Variants in SLC16A5 observed in about 807,000 individuals in gnomAD.
The protein encoded by SLC16A5 is monocarboxylate transporter 6.
Under a neutral mutation model 33.2 loss-of-function variants are expected in SLC16A5, and 29 were observed. That is an observed-to-expected ratio of 0.87 (90% confidence interval 0.65 to 1.19). The LOEUF is 1.19. Among genes scored for constraint, SLC16A5 ranks in the 50% most tolerant of loss-of-function variants. The probability of loss-of-function intolerance (pLI) is 0.00; values close to 1 mark genes in which losing one functional copy is unlikely to be tolerated. For missense variants in SLC16A5, 606 were observed against 678.2 expected (o/e 0.89, Z 1.18); for synonymous variants, 248 against 284.1 (o/e 0.87, Z 1.28).
intron 4 of SLC16A5, 54 bp from the exon 5 acceptor site, chr17:75,099,953 G>C: frequency 6.6e-7 from 1 of 1,520,762 alleles, no homozygotes; most frequent in South Asian, 1.2e-5. Flanking sequence ...ACCCCTGGGT[G>C]CAGGTGGAAG....
chr17:75,105,746 A>T, intron 6 of SLC16A5, 134 bp from the exon 7 acceptor site: 1 of 1,410,644 alleles, frequency 7.1e-7, no homozygotes, highest in Non-Finnish European at 9.3e-7. Flanking sequence ...ACAGAGCTGG[A>T]GTACGTTTCC....
At chr17:75,090,830 G>A (rs979956896) in intron 2 of SLC16A5, among the ~76,000 whole-genome samples, 1 of 152,138 alleles carries the variant, frequency 6.6e-6, no homozygotes, top group African/African-American at 2.4e-5. Flanking sequence ...GGCCTGGAGA[G>A]AGGAGATGGT....
chr17:75,093,977 CA>C, intron 3 of SLC16A5, 142 bp downstream of exon 3: 1 of 1,283,640 alleles, frequency 7.8e-7, no homozygotes, highest in African/African-American at 1.5e-5. Context: ...CAGATTTCAC[CA>C]GGGGCCCCTG....
In SLC16A5 at chr17:75,093,820, G is replaced by A. The variant is rs982502250; in HGVS notation, c.184G>A (p.Val62Met). 6.2e-7 allele frequency: 1 copy of A among 1,613,972 alleles called. No homozygotes were observed. The highest frequency in any genetic ancestry group is 1.3e-5 in the African/African-American group (1 of 74,932). ...TTGGTTCCCCTCCATCCTCACGGCT[G>A]TGCTCCACATGGCAGGTGAGCGGCC... ...TSWFPSILTA[V>M]LHMAGPLCSI... Residue 62 changes from valine (V) to methionine (M), a missense_variant, in exon 3 of 7, where the codon GTG (valine) becomes ATG (methionine). Physicochemically the swap from Val to Met is conservative, Grantham distance 21. Coordinates refer to ENST00000329783, the MANE Select transcript of SLC16A5 (RefSeq NM_004695.4).
intron 5 of SLC16A5, among the ~76,000 whole-genome samples, chr17:75,102,094 T>G (rs1395850845): frequency 6.6e-6 from 1 of 152,156 alleles, no homozygotes. Flanking sequence ...GCAAGTCTTT[T>G]TCCCTTTTTG....
At chr17:75,097,278 A>T (rs558445755) in intron 3 of SLC16A5, among the ~76,000 whole-genome samples, 1 of 152,094 alleles carries the variant, frequency 6.6e-6, no homozygotes, top group African/African-American at 2.4e-5. Context: ...GCTTGGGTGA[A>T]TGGGGCCCCT....
chr17:75,099,929 T>A, intron 4 of SLC16A5, 78 bp from the exon 5 acceptor site: 1 of 1,348,394 alleles, frequency 7.4e-7, no homozygotes. Context: ...GTGTGTGAAA[T>A]GACCACTGAC....
At chr17:75,109,750 G>C (rs1209203871), downstream of SLC16A5, among the ~76,000 whole-genome samples, 1 of 152,234 alleles carries the variant, frequency 6.6e-6, no homozygotes, top group Non-Finnish European at 1.5e-5. The surrounding 1 kb of genome is among the most constrained non-coding windows in gnomAD (Gnocchi z 5.0). Context: ...GCAGTAATTT[G>C]CATCTGGACA....
At chr17:75,093,377 C>T in intron 2 of SLC16A5, 2 of 1,533,726 alleles carry the variant, frequency 1.3e-6, no homozygotes, top group East Asian at 4.9e-5. Context: ...TTCCTGCCAC[C>T]TCCTGCCAGG....
intron 3 of SLC16A5, among the ~76,000 whole-genome samples, chr17:75,094,933 C>T (rs1046471741): frequency 2.0e-5 from 3 of 152,184 alleles, no homozygotes; most frequent in Admixed American, 2.0e-4. Context: ...TCTCTGCAGT[C>T]GCCGTGGACA....
rs530832779 is a variant in SLC16A5 at position 75,098,022 on chromosome 17, C to T, written c.200-16C>T. The T allele has an allele frequency of 5.7e-6, 9 of 1,571,978 alleles. No homozygotes were observed. The highest frequency in any genetic ancestry group is 7.7e-6 in the Non-Finnish European group (9 of 1,163,792). On this transcript the variant is annotated splice_polypyrimidine_tract_variant and intron_variant, in intron 3 of 6. Coordinates refer to ENST00000329783, the MANE Select transcript of SLC16A5 (RefSeq NM_004695.4). ...TCCTCATTCAGCTGCTACCTGCTGG[C>T]TGTCTTCTCCCACAGGGCCCCTGTG...
downstream of SLC16A5, among the ~76,000 whole-genome samples, chr17:75,107,254 C>T (rs1250667230): frequency 6.6e-6 from 1 of 151,910 alleles, no homozygotes; most frequent in Non-Finnish European, 1.5e-5. Flanking sequence ...AAGCTGTGAT[C>T]ACACCACTGC....
chr17:75,100,213 A>T lies in SLC16A5; in HGVS notation c.550A>T (p.Ile184Phe), dbSNP rs1260721668. 1 of 1,614,090 alleles carries T rather than the reference A, an allele frequency of 6.2e-7. No individual in the cohort carries two copies. Among genetic ancestry groups the T allele is most frequent in the Admixed American group, 1.7e-5 (1 of 60,008 alleles). ...VFGGIFLHCC[I>F]CGAIIRPVAT... is the part of the protein sequence containing the mutation. ...CGGCGGGATCTTTCTCCACTGCTGC[A>T]TCTGCGGGGCCATCATAAGGCCTGT... The change falls in exon 5 of 7, where the codon ATC becomes TTC. Residue 184 changes from isoleucine to phenylalanine, a missense_variant. By Grantham distance (21) the Ile-to-Phe change is conservative. Transcript: ENST00000329783.
chr17:75,090,739 G>C (rs568459514), intron 2 of SLC16A5, among the ~76,000 whole-genome samples: 1 of 152,270 alleles, frequency 6.6e-6, no homozygotes, highest in African/African-American at 2.4e-5. Flanking sequence ...GATTACAGGT[G>C]TGAGCCACCG....
chr17:75,109,787 TCGCAGTACAC>T (rs2073892140), downstream of SLC16A5, among the ~76,000 whole-genome samples: 2 of 152,242 alleles, frequency 1.3e-5, no homozygotes, highest in African/African-American at 2.4e-5. This position sits in a 1 kb window ranked among gnomAD's most constrained non-coding sequence, Gnocchi z 5.0. Context: ...AGGCTGCTCC[TCGCAGTACAC>T]CCACCCACGC....
chr17:75,105,789 G>C (rs747704177), intron 6 of SLC16A5, 91 bp from the exon 7 acceptor site: 2 of 1,442,626 alleles, frequency 1.4e-6, no homozygotes, highest in Non-Finnish European at 9.2e-7. Flanking sequence ...GCTCAGCAAG[G>C]GGTGCTCAGG....
chr17:75,097,956 G>A, intron 3 of SLC16A5, 82 bp from the exon 4 acceptor site: 1 of 1,479,538 alleles, frequency 6.8e-7, no homozygotes, highest in Non-Finnish European at 9.0e-7. Context: ...AGTTCCAGCT[G>A]GAACTGCCCT....
At chr17:75,107,997 G>A (rs532612792), downstream of SLC16A5, among the ~76,000 whole-genome samples, 2 of 152,066 alleles carry the variant, frequency 1.3e-5, no homozygotes, top group Admixed American at 6.5e-5. Flanking sequence ...CCAGCTACTC[G>A]GGAGGCTGAG....
chr17:75,109,610 G>C (rs1255483457), downstream of SLC16A5, among the ~76,000 whole-genome samples: 1 of 152,208 alleles, frequency 6.6e-6, no homozygotes, highest in Non-Finnish European at 1.5e-5. The surrounding 1 kb of genome is among the most constrained non-coding windows in gnomAD (Gnocchi z 5.0). Flanking sequence ...GGGCCATGTC[G>C]GGACGGCGGA....
Sources: allele counts gnomAD v4.1 joint callset (sites outside exome capture counted in the v4.1 genomes callset), GRCh38; gene constraint gnomAD v4.1.1; non-coding constraint Gnocchi (gnomAD v3.1); transcripts MANE v1.5; gene names NCBI Gene and HGNC (gene_info 2026-07-23, HGNC 2026-07-21).